Variants in UBASH3B observed in about 807,000 individuals in gnomAD.
UBASH3B encodes the protein ubiquitin-associated and SH3 domain-containing protein B.
A neutral mutation model predicts 83.4 loss-of-function variants in UBASH3B; 37 were observed. The ratio of observed to expected loss-of-function variants is 0.44; its 90% CI spans 0.34 to 0.58. The LOEUF is 0.58. UBASH3B is among the 20% of genes least tolerant of loss of function. The probability of loss-of-function intolerance (pLI) is 0.01; values close to 1 mark genes in which losing one functional copy is unlikely to be tolerated. For missense variants in UBASH3B, 657 were observed against 827.2 expected (o/e 0.79, Z 2.52); for synonymous variants, 304 against 318.3 (o/e 0.96, Z 0.48).
At chr11:122,686,650 C>T (rs530536351) in intron 1 of UBASH3B, among the ~76,000 whole-genome samples, 1 of 152,152 alleles carries the variant, frequency 6.6e-6, no homozygotes, top group Non-Finnish European at 1.5e-5. Context: ...AATAGAGCTC[C>T]GTGTGCAGGC....
At chr11:122,658,239 A>C (rs972614172) in intron 1 of UBASH3B, among the ~76,000 whole-genome samples, 3 of 152,034 alleles carry the variant, frequency 2.0e-5, no homozygotes, top group Admixed American at 6.6e-5. Flanking sequence ...ATGCTGCAGA[A>C]TTAGCATAGT....
intron 1 of UBASH3B, among the ~76,000 whole-genome samples, chr11:122,661,386 C>G (rs1006350524): frequency 7.2e-5 from 11 of 152,182 alleles, no homozygotes; most frequent in African/African-American, 2.7e-4. Context: ...GTTTCCCTGG[C>G]TTTTTCCAGC....
In UBASH3B at chr11:122,808,181, T is replaced by C. The variant is rs1450260701; in HGVS notation, c.1812+5T>C. On this transcript the variant is annotated splice_donor_5th_base_variant and intron_variant, in intron 13 of 13. Transcript: ENST00000284273. ...TTCGTACAAATGGTCCGAAAGGTAA[T>C]TCATTCTCGTACTTTGGGGTCCGTG... 4 of 1,612,176 alleles carry C rather than the reference T, an allele frequency of 2.5e-6. No individual in the cohort carries two copies. The highest frequency in any genetic ancestry group is 2.5e-6 in the Non-Finnish European group (3 of 1,178,234).
chr11:122,743,129 G>C (rs1861054247), intron 1 of UBASH3B, among the ~76,000 whole-genome samples: 1 of 152,216 alleles, frequency 6.6e-6, no homozygotes, highest in South Asian at 2.1e-4. Context: ...GAGCCAGAGT[G>C]GGAGATAGGA....
At chr11:122,725,094 C>T (rs1178274558) in intron 1 of UBASH3B, among the ~76,000 whole-genome samples, 4 of 143,904 alleles carry the variant, frequency 2.8e-5, no homozygotes, top group East Asian at 2.2e-4. Context: ...CTCAGCCTCT[C>T]GAGTAGCCAG....
chr11:122,657,229 G>A (rs1863376587), intron 1 of UBASH3B, among the ~76,000 whole-genome samples: 1 of 152,170 alleles, frequency 6.6e-6, no homozygotes, highest in Admixed American at 6.5e-5. Flanking sequence ...ATCAGTGAGG[G>A]CCAAGTAAAT....
intron 5 of UBASH3B, among the ~76,000 whole-genome samples, chr11:122,785,705 G>GTTAAATTCACT (rs1860935998): frequency 6.6e-6 from 1 of 152,190 alleles, no homozygotes; most frequent in Non-Finnish European, 1.5e-5. Context: ...TTTAGCAAGG[G>GTTAAATTCACT]TTAAATTCAC....
chr11:122,812,684 T>G lies in UBASH3B; in HGVS notation c.*2798T>G, dbSNP rs969940966. On this transcript the variant is annotated 3_prime_UTR_variant, in exon 14 of 14. Coordinates refer to ENST00000284273, the MANE Select transcript of UBASH3B (RefSeq NM_032873.5). ...GGATTGAAAGCCTGAAAGCATTTCC[T>G]GCTTCTACAAGTGTGCCACATCAAT... The G allele has an allele frequency of 1.2e-4, 18 of 152,248 alleles. No homozygotes were observed. Among genetic ancestry groups the G allele is most frequent in the African/African-American group, 3.6e-4 (15 of 41,468 alleles). The allele number at this position is 152,248 out of a possible 1,614,324, so 9.4% of individuals were successfully genotyped here.
Position 122,801,283 on chromosome 11 carries a change from C to G in UBASH3B, c.1546C>G (p.Pro516Ala). Residue 516 changes from proline to alanine, a missense_variant, in exon 11 of 14, where the codon CCT (proline) becomes GCT (alanine). Physicochemically the swap from Pro to Ala is conservative, Grantham distance 27. Transcript: ENST00000284273. ...VAGSTLPAWI[P>A]PSELAAANLS... ...TGGGAGCACATTACCTGCATGGATA[C>G]CTCCATCAGAGTTAGCTGCAGCCAA... 1 of 1,614,136 alleles carries G rather than the reference C, an allele frequency of 6.2e-7. No individual in the cohort carries two copies. The highest frequency in any genetic ancestry group is 8.5e-7 in the Non-Finnish European group (1 of 1,180,006).
rs1386927458 is a variant in UBASH3B at position 122,753,720 on chromosome 11, C to T, written c.162-22499C>T. Among the ~76,000 whole-genome samples the T allele has an allele frequency of 3.3e-5, 5 of 151,920 alleles. 1 individual carries two copies. Among genetic ancestry groups the T allele is most frequent in the Admixed American group, 3.3e-4 (5 of 15,272 alleles). ...ATGTTGGTCAGGCTGGTCTCGAACT[C>T]CTGATCTCAGATGATCCACCTGCCT... On this transcript the variant is annotated intron_variant, in intron 1 of 13. Coordinates refer to ENST00000284273, the MANE Select transcript of UBASH3B (RefSeq NM_032873.5).
chr11:122,659,560 A>G (rs1863408551), intron 1 of UBASH3B, among the ~76,000 whole-genome samples: 1 of 152,202 alleles, frequency 6.6e-6, no homozygotes, highest in Non-Finnish European at 1.5e-5. Context: ...ACAGGCATTT[A>G]ACTTCATTTT....
intron 1 of UBASH3B, among the ~76,000 whole-genome samples, chr11:122,714,180 G>A (rs1435430644): frequency 6.6e-6 from 1 of 152,206 alleles, no homozygotes; most frequent in East Asian, 1.9e-4. Context: ...AGTTTCTTTA[G>A]TGGGGCTCCC....
At chr11:122,675,306 C>A (rs1007021561) in intron 1 of UBASH3B, among the ~76,000 whole-genome samples, 1 of 152,180 alleles carries the variant, frequency 6.6e-6, no homozygotes, top group Non-Finnish European at 1.5e-5. Flanking sequence ...TGTTTAGAGA[C>A]CACATTGCAG....
At chr11:122,763,527 T>C (rs1860481661) in intron 1 of UBASH3B, among the ~76,000 whole-genome samples, 1 of 152,136 alleles carries the variant, frequency 6.6e-6, no homozygotes, top group South Asian at 2.1e-4. Context: ...AGCCCCCAAA[T>C]AGCTCAGGAA....
chr11:122,808,847 A>G (rs1861387458), intron 13 of UBASH3B, among the ~76,000 whole-genome samples: 1 of 152,192 alleles, frequency 6.6e-6, no homozygotes, highest in Admixed American at 6.5e-5. Context: ...GTGCTGGAAG[A>G]CAGAGAATTT....
At chr11:122,663,547 G>A (rs777321415) in intron 1 of UBASH3B, among the ~76,000 whole-genome samples, 8 of 152,302 alleles carry the variant, frequency 5.3e-5, no homozygotes, top group Non-Finnish European at 8.8e-5. Flanking sequence ...AGCTAAAGGC[G>A]TTGCTTTTCA....
chr11:122,770,043 G>C (rs919839571), intron 1 of UBASH3B, among the ~76,000 whole-genome samples: 1 of 152,224 alleles, frequency 6.6e-6, no homozygotes, highest in Non-Finnish European at 1.5e-5. Flanking sequence ...TGGTTGCATA[G>C]GGAATTTCAT....
rs1863873306 is a variant in UBASH3B at position 122,690,213 on chromosome 11, A to ATTATATATATATATATATATATCCAATT, written c.161+34019_161+34020insATATATCCAATTTTATATATATATATAT. On this transcript the variant is annotated intron_variant, in intron 1 of 13. Transcript: ENST00000284273. The stretch of plus-strand genomic sequence containing the variant: ...ATATATATATATATATATATATCCA[A>ATTATATATATATATATATATATCCAATT]TTATATATATATATATCCAATTTTA... Among the ~76,000 whole-genome samples the ATTATATATATATATATATATATCCAATT allele has an allele frequency of 3.2e-4, 4 of 12,668 alleles. 1 individual carries two copies. The highest frequency in any genetic ancestry group is 2.8e-3 in the Admixed American group (2 of 706). The allele number at this position is 12,668 out of a possible 152,430, so 8.3% of individuals were successfully genotyped here. A position where few individuals can be genotyped will look rare whatever the true frequency, so the allele number is the denominator to read the frequency against.
At chr11:122,756,602 G>T (rs1355978835) in intron 1 of UBASH3B, among the ~76,000 whole-genome samples, 3 of 152,134 alleles carry the variant, frequency 2.0e-5, no homozygotes, top group Non-Finnish European at 4.4e-5. Context: ...AGTGTGGAGG[G>T]CTGTGGTAGG....
Sources: allele counts gnomAD v4.1 joint callset (sites outside exome capture counted in the v4.1 genomes callset), GRCh38; gene constraint gnomAD v4.1.1; transcripts MANE v1.5; gene names NCBI Gene and HGNC (gene_info 2026-07-23, HGNC 2026-07-21).